The following TTC28 variants were observed in gnomAD, a reference collection of about 807,000 sequenced individuals.
TTC28 encodes the protein tetratricopeptide repeat domain 28, also known as tetratricopeptide repeat protein 28.
In TTC28, 61 loss-of-function variants were observed where a neutral mutation model predicts 198.0. That is an observed-to-expected ratio of 0.31 (90% CI 0.25 to 0.38). TTC28 has a LOEUF of 0.38. TTC28 is among the 10% of genes least tolerant of loss of function. The pLI is 1.00. For synonymous variants in TTC28, 1,171 were observed against 1,297.8 expected (o/e 0.90, Z 2.10); for missense variants, 2,678 against 3,164.0 (o/e 0.85, Z 3.69).
rs1036708998 is a variant in TTC28 at position 28,101,033 on chromosome 22, A to G, written c.3417+138T>C. 4.6e-5 allele frequency: 27 copies of G among 586,418 alleles called. No homozygotes were observed. In the East Asian group the frequency reaches 5.7e-4, roughly 12 times the overall value. The allele number at this position is 586,418 out of a possible 1,614,324, so 36.3% of individuals were successfully genotyped here. ...TGTTCAAATACTTCTGGGCTAGTAC[A>G]GGCGGGAAATCATACACATTAGCCC... On this transcript the variant is annotated intron_variant, in intron 9 of 22. Transcript: ENST00000397906.
chr22:28,237,474 AT>A (rs1430395894), intron 5 of TTC28, among the ~76,000 whole-genome samples: 106 of 152,306 alleles, frequency 7.0e-4, no homozygotes, highest in Non-Finnish European at 1.0e-4. Flanking sequence ...CCTTTAAATA[AT>A]ATTAACTGCT....
chr22:28,468,853 G>A (rs533931769), intron 2 of TTC28, among the ~76,000 whole-genome samples: 22 of 151,794 alleles, frequency 1.4e-4, no homozygotes, highest in South Asian at 2.1e-4. Context: ...GCTATCTTGC[G>A]GGTTACAATT....
chr22:28,349,542 A>G (rs577091601), intron 2 of TTC28, among the ~76,000 whole-genome samples: 1 of 152,318 alleles, frequency 6.6e-6, no homozygotes, highest in South Asian at 2.1e-4. Context: ...TTACAGAAAA[A>G]GAGCACTGGA....
At chr22:28,565,049 G>A (rs2049948999) in intron 2 of TTC28, among the ~76,000 whole-genome samples, 1 of 151,844 alleles carries the variant, frequency 6.6e-6, no homozygotes, top group South Asian at 2.1e-4. Context: ...AGAGGAATAT[G>A]ACTGCCTGCC....
intron 2 of TTC28, among the ~76,000 whole-genome samples, chr22:28,436,150 A>G (rs2047517295): frequency 6.6e-6 from 1 of 152,148 alleles, no homozygotes; most frequent in Non-Finnish European, 1.5e-5. Flanking sequence ...AGTCACCCTC[A>G]CTTATATTCA....
At chr22:28,167,467 T>C (rs1443270609) in intron 5 of TTC28, among the ~76,000 whole-genome samples, 2 of 152,228 alleles carry the variant, frequency 1.3e-5, no homozygotes, top group Non-Finnish European at 2.9e-5. Context: ...AAAAAGCTTA[T>C]ACACCACGAT....
intron 2 of TTC28, among the ~76,000 whole-genome samples, chr22:28,431,799 G>A (rs2047433447): frequency 6.6e-6 from 1 of 151,828 alleles, no homozygotes; most frequent in Non-Finnish European, 1.5e-5. Context: ...CTAACATGGT[G>A]AGACCTTGTC....
chr22:28,587,587 T>C (rs902227965), intron 2 of TTC28, among the ~76,000 whole-genome samples: 16 of 151,858 alleles, frequency 1.1e-4, no homozygotes, highest in African/African-American at 3.6e-4. Flanking sequence ...GCTGAGACTA[T>C]AGTCGTACAC....
intron 1 of TTC28, among the ~76,000 whole-genome samples, chr22:28,660,000 G>T (rs1166064470): frequency 2.6e-5 from 4 of 151,766 alleles, no homozygotes; most frequent in Non-Finnish European, 4.4e-5. Flanking sequence ...TCATCATGTT[G>T]CCCAGGCTGA....
chr22:28,073,915 G>C (rs1415040883), intron 12 of TTC28, among the ~76,000 whole-genome samples: 5 of 152,190 alleles, frequency 3.3e-5, no homozygotes, highest in Non-Finnish European at 4.4e-5. Flanking sequence ...AATGCTTGTG[G>C]TTAAATGTCT....
intron 3 of TTC28, among the ~76,000 whole-genome samples, chr22:28,301,414 C>T (rs1232812089): frequency 6.6e-6 from 1 of 152,138 alleles, no homozygotes; most frequent in Non-Finnish European, 1.5e-5. Context: ...GTTCATCAAC[C>T]ATTAAGTGTT....
chr22:28,095,895 G>T (rs1941956371), intron 11 of TTC28, among the ~76,000 whole-genome samples: 1 of 152,208 alleles, frequency 6.6e-6, no homozygotes, highest in South Asian at 2.1e-4. Flanking sequence ...ATGAACAACA[G>T]CTGCCTACAC....
At chr22:28,217,569 G>T (rs1363120173) in intron 5 of TTC28, among the ~76,000 whole-genome samples, 1 of 152,144 alleles carries the variant, frequency 6.6e-6, no homozygotes, top group Non-Finnish European at 1.5e-5. Flanking sequence ...GAAATGATAT[G>T]CATCTTTAAA....
intron 1 of TTC28, among the ~76,000 whole-genome samples, chr22:28,651,167 CTTTTGT>C (rs1569084087): frequency 6.6e-6 from 1 of 152,172 alleles, no homozygotes; most frequent in African/African-American, 2.4e-5. Flanking sequence ...CTCTTGATCT[CTTTTGT>C]TTTTAATTAG....
chr22:28,205,650 C>T (rs1050242780), intron 5 of TTC28, among the ~76,000 whole-genome samples: 2 of 152,026 alleles, frequency 1.3e-5, no homozygotes, highest in Admixed American at 1.3e-4. Context: ...CAGAATTAAA[C>T]ATTTGATGGG....
intron 2 of TTC28, among the ~76,000 whole-genome samples, chr22:28,549,636 C>T (rs1973022915): frequency 6.6e-6 from 1 of 152,214 alleles, no homozygotes; most frequent in Non-Finnish European, 1.5e-5. Context: ...GATTAATCAA[C>T]TGTTTGCCAA....
chr22:28,155,100 T>C (rs750655853), intron 6 of TTC28, among the ~76,000 whole-genome samples: 2 of 152,268 alleles, frequency 1.3e-5, no homozygotes, highest in African/African-American at 2.4e-5. Flanking sequence ...CTTTTCTATG[T>C]ATCTCATAGA....
chr22:28,440,963 TATG>T (rs2047611815), intron 2 of TTC28, among the ~76,000 whole-genome samples: 1 of 152,234 alleles, frequency 6.6e-6, no homozygotes, highest in South Asian at 2.1e-4. Context: ...TTTAATCTTT[TATG>T]AACTCTGAAG....
chr22:28,434,667 G>GA (rs2047490665), intron 2 of TTC28, among the ~76,000 whole-genome samples: 1 of 152,168 alleles, frequency 6.6e-6, no homozygotes, highest in Non-Finnish European at 1.5e-5. Flanking sequence ...ACTTATGCCT[G>GA]AAAATCTCTA....
Sources: gnomAD v4.1 joint callset for allele counts (sites outside exome capture counted in the v4.1 genomes callset) on GRCh38, gnomAD v4.1.1 for gene constraint, MANE v1.5 for transcripts, NCBI Gene and HGNC (gene_info 2026-07-23, HGNC 2026-07-21) for gene names.